Variants in RAP1GDS1 observed in about 807,000 individuals in gnomAD.
RAP1GDS1 encodes Rap1 GTPase-GDP dissociation stimulator 1.
RAP1GDS1 carries 35 observed loss-of-function variants against 71.1 expected under a neutral mutation model. The ratio of observed to expected loss-of-function variants is 0.49; its 90% CI spans 0.38 to 0.65. The LOEUF (loss-of-function observed/expected upper bound fraction) is 0.65. RAP1GDS1 is among the 30% of genes least tolerant of loss of function. The pLI, the probability that RAP1GDS1 is intolerant of heterozygous loss-of-function variation, is 0.00. For missense variants in RAP1GDS1, 663 were observed against 706.1 expected (o/e 0.94, Z 0.69); for synonymous variants, 229 against 243.1 (o/e 0.94, Z 0.54).
chr4:98,282,608 T>C (rs990842495), intron 1 of RAP1GDS1, among the ~76,000 whole-genome samples: 3 of 151,534 alleles, frequency 2.0e-5, no homozygotes, highest in African/African-American at 7.3e-5. Flanking sequence ...GTTTTTTATG[T>C]CTCTATCTCC....
rs1734135394 is a variant in RAP1GDS1 at position 98,332,374 on chromosome 4, A to G, written c.113-10765A>G. 3.3e-5 allele frequency among the ~76,000 whole-genome samples: 5 copies of G among 152,334 alleles called. No homozygotes were observed. The South Asian group carries it at 1.0e-3, about 32-fold the overall frequency. On this transcript the variant is annotated intron_variant, in intron 2 of 14. Transcript: ENST00000408927. Reference sequence around the variant, plus strand: ...GCAGAATCAAGTTTTACTAGGAAACATTGCTTTTCTAGTCCTTCAAGACAG... The same window carrying G: ...GCAGAATCAAGTTTTACTAGGAAACGTTGCTTTTCTAGTCCTTCAAGACAG...
chr4:98,425,103 A>C (rs931744381), intron 12 of RAP1GDS1, among the ~76,000 whole-genome samples: 1 of 152,186 alleles, frequency 6.6e-6, no homozygotes, highest in African/African-American at 2.4e-5. Context: ...AAAGAAAGCA[A>C]TTATCAGCCA....
intron 1 of RAP1GDS1, among the ~76,000 whole-genome samples, chr4:98,263,295 G>A (rs1451398397): frequency 1.3e-5 from 2 of 152,176 alleles, no homozygotes; most frequent in Non-Finnish European, 2.9e-5. Flanking sequence ...TTCCAGGTGA[G>A]CCTTAAACAA....
At chr4:98,348,239 G>A (rs1400175956) in intron 3 of RAP1GDS1, among the ~76,000 whole-genome samples, 1 of 152,036 alleles carries the variant, frequency 6.6e-6, no homozygotes. Flanking sequence ...CCCTGTGATA[G>A]TTTGCTGAGA....
intron 3 of RAP1GDS1, among the ~76,000 whole-genome samples, chr4:98,351,000 C>T (rs1228533921): frequency 1.3e-5 from 2 of 152,078 alleles, no homozygotes; most frequent in African/African-American, 4.8e-5. Flanking sequence ...GATAGGGTGA[C>T]ACCTTGTCTC....
At chr4:98,419,480 G>A (rs1748495153) in intron 10 of RAP1GDS1, among the ~76,000 whole-genome samples, 1 of 152,022 alleles carries the variant, frequency 6.6e-6, no homozygotes, top group South Asian at 2.1e-4. Context: ...ATGTGCCTTT[G>A]GAAGTCATGA....
intron 2 of RAP1GDS1, among the ~76,000 whole-genome samples, chr4:98,302,487 T>A (rs1178214160): frequency 6.6e-6 from 1 of 151,786 alleles, no homozygotes; most frequent in Non-Finnish European, 1.5e-5. Flanking sequence ...CAGAAGATAG[T>A]CAAAAAGATC....
intron 2 of RAP1GDS1, among the ~76,000 whole-genome samples, chr4:98,309,946 AAG>A (rs1286474943): frequency 6.6e-6 from 1 of 151,996 alleles, no homozygotes; most frequent in African/African-American, 2.4e-5. Context: ...CTTTTTAAAA[AAG>A]AAGTTCACTT....
intron 7 of RAP1GDS1, among the ~76,000 whole-genome samples, chr4:98,409,049 A>T (rs2110164413): frequency 6.6e-6 from 1 of 152,282 alleles, no homozygotes; most frequent in Admixed American, 6.5e-5. Flanking sequence ...TAAAAGAAAA[A>T]AAATTAAGAT....
chr4:98,331,876 T>C (rs1734064713), intron 2 of RAP1GDS1, among the ~76,000 whole-genome samples: 1 of 152,208 alleles, frequency 6.6e-6, no homozygotes, highest in Non-Finnish European at 1.5e-5. Context: ...CACTGTGAAA[T>C]CAGTCTTTTT....
chr4:98,284,420 T>A (rs1284594052), intron 1 of RAP1GDS1, among the ~76,000 whole-genome samples: 1 of 152,202 alleles, frequency 6.6e-6, no homozygotes, highest in Non-Finnish European at 1.5e-5. Context: ...TATAATCGTT[T>A]TTAGAAAACT....
intron 7 of RAP1GDS1, among the ~76,000 whole-genome samples, chr4:98,411,251 T>C (rs1008820749): frequency 7.9e-5 from 12 of 152,232 alleles, no homozygotes; most frequent in African/African-American, 2.9e-4. Context: ...AGTTTAAGCC[T>C]CCTATATATT....
intron 1 of RAP1GDS1, among the ~76,000 whole-genome samples, chr4:98,265,021 A>G (rs995793280): frequency 6.6e-6 from 1 of 152,228 alleles, no homozygotes; most frequent in Non-Finnish European, 1.5e-5. Context: ...TGACTTACCT[A>G]TTGAGAGACC....
chr4:98,336,888 T>C (rs1380272343), intron 2 of RAP1GDS1, among the ~76,000 whole-genome samples: 2 of 151,744 alleles, frequency 1.3e-5, no homozygotes, highest in Non-Finnish European at 2.9e-5. Flanking sequence ...TTTTGTTTTG[T>C]TTTGTTTTGT....
intron 1 of RAP1GDS1, among the ~76,000 whole-genome samples, chr4:98,284,211 T>C (rs1361490456): frequency 6.6e-6 from 1 of 152,156 alleles, no homozygotes; most frequent in Non-Finnish European, 1.5e-5. Context: ...TTTTTAAAAA[T>C]AATGTTATCT....
At chr4:98,384,100 T>C (rs1351220029) in intron 5 of RAP1GDS1, among the ~76,000 whole-genome samples, 1 of 151,564 alleles carries the variant, frequency 6.6e-6, no homozygotes, top group Non-Finnish European at 1.5e-5. Context: ...TTTTAAAGTT[T>C]TTCTTCTTTC....
In RAP1GDS1 at chr4:98,303,952, T is replaced by C. The variant is rs182915794; in HGVS notation, c.112+10437T>C. On this transcript the variant is annotated intron_variant, in intron 2 of 14. Transcript: ENST00000408927. ...CCCACTTATAAGTAAGAACATGCAG[T>C]GTTTGGGCTGCTGTTCCTGTGATAG... Among the ~76,000 whole-genome samples the C allele has an allele frequency of 2.7e-3, 414 of 152,206 alleles. 3 individuals carry two copies. Among genetic ancestry groups the C allele is most frequent in the African/African-American group, 9.6e-3 (400 of 41,522 alleles).
At chr4:98,422,210 A>G (rs960403022) in intron 12 of RAP1GDS1, among the ~76,000 whole-genome samples, 2 of 151,992 alleles carry the variant, frequency 1.3e-5, no homozygotes, top group African/African-American at 4.8e-5. Context: ...AAAATAAAAT[A>G]AAATACTGTT....
intron 2 of RAP1GDS1, among the ~76,000 whole-genome samples, chr4:98,323,023 A>G (rs992570728): frequency 1.3e-5 from 2 of 151,740 alleles, no homozygotes; most frequent in African/African-American, 4.9e-5. Flanking sequence ...ATAGACCGCT[A>G]GCAAGACTAA....
Sources: allele counts gnomAD v4.1 joint callset (sites outside exome capture counted in the v4.1 genomes callset), GRCh38; gene constraint gnomAD v4.1.1; transcripts MANE v1.5; gene names NCBI Gene and HGNC (gene_info 2026-07-23, HGNC 2026-07-21).